RORA: variants seen among roughly 807,000 people sequenced by gnomAD.
The protein encoded by RORA is nuclear receptor ROR-alpha.
Under a neutral mutation model 69.5 loss-of-function variants are expected in RORA, and 7 were observed. That is an observed-to-expected ratio of 0.10 (90% CI 0.06 to 0.19). The LOEUF is 0.19. Among genes scored for constraint, RORA ranks in the 10% least tolerant of loss-of-function variants. The pLI is 1.00. For synonymous variants in RORA, 261 were observed against 240.8 expected (o/e 1.08, Z -0.78); for missense variants, 457 against 663.0 (o/e 0.69, Z 3.41).
At chr15:61,108,040 C>A (rs976311592) in intron 1 of RORA, among the ~76,000 whole-genome samples, 1 of 152,152 alleles carries the variant, frequency 6.6e-6, no homozygotes, top group African/African-American at 2.4e-5. Context: ...CAGCGATAAC[C>A]CTTCTATTTC....
At chr15:61,203,079 C>A (rs1206065718) in intron 1 of RORA, among the ~76,000 whole-genome samples, 2 of 152,070 alleles carry the variant, frequency 1.3e-5, no homozygotes, top group African/African-American at 4.8e-5. Flanking sequence ...ACAAGCAAGT[C>A]TGAATATTTT....
intron 1 of RORA, among the ~76,000 whole-genome samples, chr15:60,935,704 G>T (rs895041262): frequency 6.6e-6 from 1 of 152,172 alleles, no homozygotes; most frequent in African/African-American, 2.4e-5. Context: ...CATACATAAA[G>T]TTACCAGTCC....
intron 1 of RORA, among the ~76,000 whole-genome samples, chr15:60,859,388 T>C (rs763685291): frequency 1.3e-5 from 1 of 76,894 alleles, no homozygotes; most frequent in East Asian, 2.3e-4. Flanking sequence ...ACCTGGGACC[T>C]TGGGACCTTG....
At chr15:61,204,556 C>T (rs2140930097) in intron 1 of RORA, among the ~76,000 whole-genome samples, 1 of 152,280 alleles carries the variant, frequency 6.6e-6, no homozygotes. Flanking sequence ...ACAGGGGACA[C>T]CTGAGGCCAG....
intron 1 of RORA, among the ~76,000 whole-genome samples, chr15:61,040,679 C>T (rs1896719310): frequency 6.6e-6 from 1 of 151,924 alleles, no homozygotes; most frequent in Admixed American, 6.6e-5. Flanking sequence ...TGTCACAGTA[C>T]CTGGCACAAA....
At chr15:60,838,472 C>T (rs1035067956) in intron 1 of RORA, among the ~76,000 whole-genome samples, 12 of 152,172 alleles carry the variant, frequency 7.9e-5, no homozygotes, top group African/African-American at 2.2e-4. Flanking sequence ...GCCATGGGGC[C>T]AGCCTCTGTG....
intron 1 of RORA, among the ~76,000 whole-genome samples, chr15:60,945,676 AG>A (rs1465408246): frequency 1.3e-5 from 2 of 152,228 alleles, no homozygotes; most frequent in Non-Finnish European, 1.5e-5. Context: ...ACTTTGGAAA[AG>A]GGAAAATAAT....
In RORA at chr15:60,631,336, T is replaced by C. The variant is rs115210298; in HGVS notation, c.196+47321A>G. 4.0e-3 allele frequency among the ~76,000 whole-genome samples: 609 copies of C among 152,300 alleles called. 2 individuals are homozygous for C. Among genetic ancestry groups the C allele is most frequent in the East Asian group, 0.016 (83 of 5,184 alleles). On this transcript the variant is annotated intron_variant, in intron 2 of 10. Coordinates refer to ENST00000335670, the MANE Select transcript of RORA (RefSeq NM_134261.3). ...CTGTTCACAGTTTTCCCCCTCATAT[T>C]ACTTCTGTAACAACCTTGAGGTGGT...
chr15:60,715,456 G>A (rs1340363034), intron 1 of RORA, among the ~76,000 whole-genome samples: 4 of 152,288 alleles, frequency 2.6e-5, no homozygotes, highest in Non-Finnish European at 5.9e-5. Flanking sequence ...AGACCTTCAC[G>A]TGGTGCCTCA....
chr15:60,920,672 T>C (rs890197168), intron 1 of RORA, among the ~76,000 whole-genome samples: 5 of 152,238 alleles, frequency 3.3e-5, no homozygotes, highest in African/African-American at 1.2e-4. Context: ...TTGTTCATCC[T>C]CAAAGATGAA....
At chr15:60,938,260 A>G (rs1256552592) in intron 1 of RORA, among the ~76,000 whole-genome samples, 1 of 152,202 alleles carries the variant, frequency 6.6e-6, no homozygotes, top group Non-Finnish European at 1.5e-5. Context: ...AGAAAAAACA[A>G]TGTCTAAAAC....
intron 1 of RORA, among the ~76,000 whole-genome samples, chr15:60,825,181 G>A (rs1395051785): frequency 1.3e-5 from 2 of 152,166 alleles, no homozygotes; most frequent in Admixed American, 6.5e-5. Context: ...CACTGTTACC[G>A]AGCAGAACCA....
intron 1 of RORA, among the ~76,000 whole-genome samples, chr15:60,835,089 G>A (rs1034168868): frequency 6.6e-6 from 1 of 152,152 alleles, no homozygotes; most frequent in Non-Finnish European, 1.5e-5. Flanking sequence ...ACAAGACCGG[G>A]TAGCAGTGGT....
chr15:61,085,000 A>G (rs1310490444), intron 1 of RORA, among the ~76,000 whole-genome samples: 2 of 152,126 alleles, frequency 1.3e-5, no homozygotes, highest in African/African-American at 4.8e-5. Context: ...CACTGACATG[A>G]TAACGGGGGA....
At chr15:60,611,559 C>CGAAAAAAAAA (rs2069087648) in intron 2 of RORA, among the ~76,000 whole-genome samples, 1 of 35,810 alleles carries the variant, frequency 2.8e-5, no homozygotes. Flanking sequence ...TTGAGTTTTG[C>CGAAAAAAAAA]AAAAAAAAAA....
At chr15:60,686,601 C>T (rs1278478394) in intron 1 of RORA, 1 of 152,212 alleles carries the variant, frequency 6.6e-6, no homozygotes, top group African/African-American at 2.4e-5. Flanking sequence ...GCAGTTTTAT[C>T]TTCTAAGTGA....
intron 1 of RORA, among the ~76,000 whole-genome samples, chr15:60,946,462 G>A (rs1266872915): frequency 6.6e-6 from 1 of 152,246 alleles, no homozygotes; most frequent in Admixed American, 6.5e-5. Flanking sequence ...TGGAGACGGG[G>A]TTTCGCTTTG....
intron 1 of RORA, among the ~76,000 whole-genome samples, chr15:60,924,675 G>A (rs995230404): frequency 2.0e-5 from 3 of 152,120 alleles, no homozygotes; most frequent in African/African-American, 7.2e-5. Context: ...TAAACCACAG[G>A]GCGGTGCGTG....
At chr15:60,599,140 C>T (rs1488391118) in intron 2 of RORA, among the ~76,000 whole-genome samples, 4 of 152,178 alleles carry the variant, frequency 2.6e-5, no homozygotes, top group Non-Finnish European at 5.9e-5. Context: ...TCATCTGAAA[C>T]TTTAAGAGAA....
Sources: allele counts gnomAD v4.1 joint callset (sites outside exome capture counted in the v4.1 genomes callset), GRCh38; gene constraint gnomAD v4.1.1; transcripts MANE v1.5; gene names NCBI Gene and HGNC (gene_info 2026-07-23, HGNC 2026-07-21).